Variants in KATNIP observed in about 807,000 individuals in gnomAD.
KATNIP encodes the protein katanin interacting protein, also known as katanin-interacting protein.
In KATNIP, 126 loss-of-function variants were observed where a neutral mutation model predicts 174.0. The observed-to-expected ratio is 0.72, with a 90% CI of 0.63 to 0.84. The LOEUF is 0.84. Ranked by LOEUF, KATNIP falls within the 40% of genes least tolerant of loss-of-function variation. KATNIP has a pLI of 0.00. For synonymous variants in KATNIP, 810 were observed against 835.7 expected (o/e 0.97, Z 0.53); for missense variants, 1,958 against 2,109.7 (o/e 0.93, Z 1.41).
At chr16:27,567,729 G>T (rs2090142892) in intron 1 of KATNIP, among the ~76,000 whole-genome samples, 1 of 152,118 alleles carries the variant, frequency 6.6e-6, no homozygotes, top group Admixed American at 6.5e-5. Flanking sequence ...TCACCATGTT[G>T]GTTGGCCAGG....
At chr16:27,763,851 C>G (rs539738808) in intron 19 of KATNIP, among the ~76,000 whole-genome samples, 6 of 152,260 alleles carry the variant, frequency 3.9e-5, no homozygotes, top group African/African-American at 1.4e-4. Context: ...GTTGAAGAAA[C>G]CAGGTGGACC....
At position 27,721,625 on chromosome 16, in the gene KATNIP, G is replaced by A. The variant is rs750578007; in HGVS notation, c.1673G>A (p.Arg558Gln). ...CCACTCCAGCTGTTTTTTGTTATTC[G>A]AAACACAAGACAGCTGGGGGACTTC... Reference protein sequence around the residue: ...HPPLQLFFVIRNTRQLGDFHL... With the variant: ...HPPLQLFFVIQNTRQLGDFHL... The change falls in exon 14 of 28, where the codon CGA (arginine) becomes CAA (glutamine). Residue 558 changes from arginine to glutamine, a missense_variant. By Grantham distance (43) the Arg-to-Gln change is conservative (BLOSUM62 1). Coordinates refer to ENST00000261588, the MANE Select transcript of KATNIP (RefSeq NM_015202.5). 9 of 1,614,108 alleles carry A rather than the reference G, an allele frequency of 5.6e-6. No individual in the cohort carries two copies. The highest frequency in any genetic ancestry group is 2.2e-5 in the East Asian group (1 of 44,892).
At chr16:27,660,848 T>G (rs1181383628) in intron 6 of KATNIP, among the ~76,000 whole-genome samples, 1 of 152,134 alleles carries the variant, frequency 6.6e-6, no homozygotes, top group African/African-American at 2.4e-5. Flanking sequence ...CTCAAACACC[T>G]TCCCCCATCC....
At chr16:27,659,809 C>T (rs1242899170) in intron 6 of KATNIP, among the ~76,000 whole-genome samples, 4 of 151,992 alleles carry the variant, frequency 2.6e-5, no homozygotes, top group Non-Finnish European at 4.4e-5. Flanking sequence ...GGCTCAGATT[C>T]GTGACTAGAA....
chr16:27,707,642 C>G (rs982449195), intron 12 of KATNIP, among the ~76,000 whole-genome samples: 2 of 152,256 alleles, frequency 1.3e-5, no homozygotes, highest in African/African-American at 4.8e-5. Context: ...CCAGGGCTGC[C>G]ATAACAAAAT....
At chr16:27,688,410 C>T (rs1307003307) in intron 8 of KATNIP, among the ~76,000 whole-genome samples, 8 of 152,028 alleles carry the variant, frequency 5.3e-5, no homozygotes, top group Admixed American at 1.3e-4. Context: ...CTGACCAGTA[C>T]GGTGAAACCC....
intron 1 of KATNIP, among the ~76,000 whole-genome samples, chr16:27,564,953 C>T (rs1200490270): frequency 1.1e-4 from 16 of 151,706 alleles, no homozygotes; most frequent in Admixed American, 1.0e-3. Context: ...TTGGTAGAGA[C>T]AGGGTTTCAC....
chr16:27,681,608 C>A, intron 8 of KATNIP, 78 bp downstream of exon 8: 1 of 1,537,926 alleles, frequency 6.5e-7, no homozygotes, highest in South Asian at 1.1e-5. Context: ...GATGGGAGGC[C>A]GCACTTCATT....
At chr16:27,566,986 C>G (rs2090116246) in intron 1 of KATNIP, among the ~76,000 whole-genome samples, 1 of 152,134 alleles carries the variant, frequency 6.6e-6, no homozygotes, top group Non-Finnish European at 1.5e-5. Flanking sequence ...CACCAATAGC[C>G]TATTGGCTTC....
chr16:27,643,590 CAAAAAAAAAAAAAA>C (rs562253355), intron 5 of KATNIP, among the ~76,000 whole-genome samples: 5 of 40,488 alleles, frequency 1.2e-4, no homozygotes, highest in East Asian at 2.0e-3. Context: ...GACTCTGTCT[CAAAAAAAAAAAAAA>C]AAAAAAAAAA....
chr16:27,553,142 T>G (rs1202253310), intron 1 of KATNIP, among the ~76,000 whole-genome samples: 1 of 152,242 alleles, frequency 6.6e-6, no homozygotes, highest in Non-Finnish European at 1.5e-5. Context: ...ACATCAGCCA[T>G]TGGTCGTTTA....
intron 6 of KATNIP, among the ~76,000 whole-genome samples, chr16:27,667,964 C>G (rs1415020914): frequency 1.3e-5 from 2 of 152,184 alleles, no homozygotes; most frequent in Non-Finnish European, 2.9e-5. Flanking sequence ...TTAGACCCAG[C>G]TCATTCTCCT....
intron 6 of KATNIP, among the ~76,000 whole-genome samples, chr16:27,665,587 C>T (rs2077651968): frequency 6.6e-6 from 1 of 151,604 alleles, no homozygotes; most frequent in African/African-American, 2.4e-5. Context: ...GACTAATATA[C>T]CATGTCTGTG....
At chr16:27,575,820 C>T (rs1028765535) in intron 2 of KATNIP, among the ~76,000 whole-genome samples, 5 of 152,180 alleles carry the variant, frequency 3.3e-5, no homozygotes, top group African/African-American at 1.2e-4. Context: ...TTAGGAACTT[C>T]GCTGCTGCTG....
chr16:27,569,877 G>T (rs1172813306), intron 1 of KATNIP, among the ~76,000 whole-genome samples: 2 of 152,142 alleles, frequency 1.3e-5, no homozygotes, highest in African/African-American at 4.8e-5. Context: ...CCAGTAGAAA[G>T]ATTTGCTTTT....
At chr16:27,658,177 T>C (rs997340448) in intron 6 of KATNIP, among the ~76,000 whole-genome samples, 3 of 152,244 alleles carry the variant, frequency 2.0e-5, no homozygotes, top group African/African-American at 4.8e-5. Context: ...ATTGTTCCCT[T>C]TTTTAACGTC....
In KATNIP at chr16:27,642,599, C is replaced by T. The variant is rs527394491; in HGVS notation, c.409-6005C>T. 8.5e-5 allele frequency among the ~76,000 whole-genome samples: 13 copies of T among 152,156 alleles called. No individual in the cohort carries two copies. The South Asian group carries it at 2.7e-3, about 32-fold the overall frequency. ...TAGTGCTTTCCCTCCACAGCCCTAG[C>T]GCCGAGGGTAACACATGTGCTAAGA... On this transcript the variant is annotated intron_variant, in intron 5 of 27. Coordinates refer to ENST00000261588, the MANE Select transcript of KATNIP (RefSeq NM_015202.5).
chr16:27,579,515 CA>C (rs2090616063), intron 2 of KATNIP, among the ~76,000 whole-genome samples: 1 of 152,252 alleles, frequency 6.6e-6, no homozygotes, highest in African/African-American at 2.4e-5. Flanking sequence ...TAGGATTTAA[CA>C]GAGAGATTCA....
At chr16:27,699,464 A>G (rs2079023876) in intron 9 of KATNIP, 70 bp from the exon 10 acceptor site, 2 of 1,598,154 alleles carry the variant, frequency 1.3e-6, no homozygotes, top group South Asian at 1.1e-5. Context: ...CTGTGCCCTC[A>G]TCTTTCTGTG....
Sources: gnomAD v4.1 joint callset for allele counts (sites outside exome capture counted in the v4.1 genomes callset) on GRCh38, gnomAD v4.1.1 for gene constraint, MANE v1.5 for transcripts, NCBI Gene and HGNC (gene_info 2026-07-23, HGNC 2026-07-21) for gene names.